The following DNAH5 variants were observed in gnomAD, a reference collection of about 807,000 sequenced individuals.
DNAH5 encodes the protein dynein axonemal heavy chain 5.
A neutral mutation model predicts 518.2 loss-of-function variants in DNAH5; 372 were observed. The ratio of observed to expected loss-of-function variants is 0.72; its 90% CI spans 0.66 to 0.78. The LOEUF (loss-of-function observed/expected upper bound fraction) is 0.78. Ranked by LOEUF, DNAH5 falls within the 30% of genes least tolerant of loss-of-function variation. DNAH5 has a pLI of 0.00. For missense variants in DNAH5, 5,523 were observed against 5,687.0 expected, an observed-to-expected ratio of 0.97 and a Z score of 0.93; for synonymous variants, 2,039 against 2,025.9, an observed-to-expected ratio of 1.01 and a Z score of -0.17.
In DNAH5 at chr5:13,771,020, TA is replaced by T. The variant is rs767111159; in HGVS notation, c.9374-41del. On this transcript the variant is annotated intron_variant, in intron 55 of 78. Coordinates refer to ENST00000265104, the MANE Select transcript of DNAH5 (RefSeq NM_001369.3). ...GATGACAGTGTGTGAAATATGTATG[TA>T]AGTTACCCTTTTAAAAGTTAACTGT... 4.0e-6 allele frequency: 6 copies of T among 1,486,402 alleles called. No homozygotes were observed. In the African/African-American group the frequency reaches 6.9e-5, roughly 17 times the overall value. 92.1% of individuals were successfully genotyped at this position (1,486,402 alleles called of 1,614,324 possible).
chr5:13,754,721 A>G (rs1436785640), intron 61 of DNAH5, among the ~76,000 whole-genome samples: 3 of 152,026 alleles, frequency 2.0e-5, no homozygotes, highest in Non-Finnish European at 2.9e-5. Flanking sequence ...TATTTTTAGT[A>G]GAGATGGGGT....
intron 22 of DNAH5, among the ~76,000 whole-genome samples, chr5:13,872,578 A>AT (rs751625815): frequency 2.8e-4 from 42 of 152,150 alleles, no homozygotes; most frequent in Non-Finnish European, 5.4e-4. Flanking sequence ...TGGCATATAC[A>AT]TTTTTTTAAA....
At chr5:13,853,970 C>T (rs1480228224) in intron 30 of DNAH5, among the ~76,000 whole-genome samples, 1 of 152,124 alleles carries the variant, frequency 6.6e-6, no homozygotes, top group African/African-American at 2.4e-5. Flanking sequence ...TCCAGGAGAA[C>T]TTCCCCAACC....
rs542422452 is a variant in DNAH5, at chr5:13,809,098, A to G, written c.7698T>C (p.Asn2566=). ...TPEYGSILVP[N]VDNVRTDFLI... The stretch of plus-strand genomic sequence containing the variant: ...GAAAGTCAGTCCTCACATTGTCAAC[A>G]TTTGGCACCAGAATAGAACCATACT... Residue 2566 remains asparagine (N), a synonymous_variant, in exon 46 of 79, where the codon AAT becomes AAC. Transcript: ENST00000265104. 1.4e-5 allele frequency: 22 copies of G among 1,614,090 alleles called. No individual in the cohort carries two copies. Among genetic ancestry groups the G allele is most frequent in the Non-Finnish European group, 1.7e-5 (20 of 1,180,046 alleles).
At chr5:13,740,085 A>G (rs1748217804) in intron 65 of DNAH5, among the ~76,000 whole-genome samples, 1 of 152,240 alleles carries the variant, frequency 6.6e-6, no homozygotes, top group South Asian at 2.1e-4. Context: ...TGCTCTGGCC[A>G]AAACCTTTGA....
At chr5:13,976,689 G>GTA (rs1216182959) in intron 1 of DNAH5, among the ~76,000 whole-genome samples, 13,367 of 137,412 alleles carry the variant, frequency 0.097, 738 homozygotes, top group Middle Eastern at 0.23. Context: ...GTGTGTGTGT[G>GTA]TATATATATA....
chr5:13,846,802 G>A (rs1045020308), intron 31 of DNAH5, among the ~76,000 whole-genome samples: 7 of 152,200 alleles, frequency 4.6e-5, no homozygotes, highest in Middle Eastern at 3.2e-3. Context: ...ACATGAGACA[G>A]CCTGGAGAGT....
chr5:13,748,457 A>C lies in DNAH5; in HGVS notation c.11211+2621T>G, dbSNP rs570901075. Among the ~76,000 whole-genome samples, 10 of 152,276 alleles carry C rather than the reference A, an allele frequency of 6.6e-5. No individual in the cohort carries two copies. In the South Asian group the frequency reaches 1.9e-3, roughly 28 times the overall value. The stretch of plus-strand genomic sequence containing the variant: ...TGATGGGGATGGCATTGAATCTATA[A>C]ATTACTTTGGGCAGTATGGCCATTT... On this transcript the variant is annotated intron_variant, in intron 65 of 78. Coordinates refer to ENST00000265104, the MANE Select transcript of DNAH5 (RefSeq NM_001369.3).
chr5:13,971,279 G>T (rs1425967720), intron 1 of DNAH5, among the ~76,000 whole-genome samples: 2 of 152,064 alleles, frequency 1.3e-5, no homozygotes, highest in East Asian at 3.9e-4. Flanking sequence ...TGGTAATTCA[G>T]TGATTTCTTC....
In DNAH5 at chr5:13,830,185, A is replaced by G; in HGVS notation, c.6090T>C (p.Cys2030=). Reference sequence around the variant, plus strand: ...GATCAATACGGTTAAATTCATCAAAACAACCCCAGGATCCAGACTGTGCCA... The same window carrying G: ...GATCAATACGGTTAAATTCATCAAAGCAACCCCAGGATCCAGACTGTGCCA... The part of the protein sequence containing the change: ...KGLAQSGSWG[C]FDEFNRIDLP... The change falls in exon 37 of 79, where the codon TGT becomes TGC. Residue 2030 remains cysteine, a synonymous_variant. Coordinates refer to ENST00000265104, the MANE Select transcript of DNAH5 (RefSeq NM_001369.3). The G allele has an allele frequency of 6.2e-7, 1 of 1,614,132 alleles. No individual in the cohort carries two copies. Among genetic ancestry groups the G allele is most frequent in the African/African-American group, 1.3e-5 (1 of 75,046 alleles).
chr5:13,737,206 C>A, intron 66 of DNAH5, 46 bp downstream of exon 66: 1 of 1,612,334 alleles, frequency 6.2e-7, no homozygotes, highest in Non-Finnish European at 8.5e-7. Flanking sequence ...TCATTCCTCT[C>A]TCATTTCATT....
In DNAH5 at chr5:13,900,347, C is replaced by A. The variant is rs766984347; in HGVS notation, c.2118G>T (p.Leu706Phe). Residue 706 changes from leucine to phenylalanine, a missense_variant, in exon 15 of 79, where the codon TTG becomes TTT. Physicochemically the swap from Leu to Phe is conservative, Grantham distance 22. This residue lies in a region of DNAH5 where 5,121 missense variants were observed against 5,223.3 expected (regional missense o/e 0.98). Transcript: ENST00000265104. The stretch of plus-strand genomic sequence containing the variant: ...ATATCTGAGGGTCAAAGTTTACAAA[C>A]AATTCCCCTGTGCCTGGAGCCTTCA... Reference protein sequence around the residue: ...LLVKAPGTGELFVNFDPQILI... With the variant: ...LLVKAPGTGEFFVNFDPQILI... 1 of 1,614,178 alleles carries A rather than the reference C, an allele frequency of 6.2e-7. No individual in the cohort carries two copies. Among genetic ancestry groups the A allele is most frequent in the South Asian group, 1.1e-5 (1 of 91,078 alleles).
chr5:13,783,113 T>G (rs1004096013), intron 52 of DNAH5, among the ~76,000 whole-genome samples: 1 of 152,110 alleles, frequency 6.6e-6, no homozygotes. Context: ...GGACTTAGAC[T>G]TGGATGACTA....
chr5:13,766,248 C>A, intron 58 of DNAH5, 69 bp from the exon 59 acceptor site: 1 of 1,511,288 alleles, frequency 6.6e-7, no homozygotes, highest in Non-Finnish European at 9.2e-7. Flanking sequence ...CTTGCATGTC[C>A]AAATGCTGCT....
Position 13,718,984 on chromosome 5 carries a change from C to T in DNAH5, c.12397G>A (p.Glu4133Lys), listed in dbSNP as rs376372961. The change falls in exon 72 of 79, where the codon GAG becomes AAG. Residue 4133 changes from glutamate to lysine, a missense_variant. Glu to Lys is a moderately conservative substitution (Grantham distance 56). Transcript: ENST00000265104. ...HDAFRLWMTTEAHKQFPITLL... is the reference protein window; with the variant it reads ...HDAFRLWMTTKAHKQFPITLL... ...GTAATGGGAAACTGCTTATGAGCCT[C>T]GGTGGTCATCCAGAGGCGGAACGCA... is the stretch of plus-strand genomic sequence containing the variant. 1.5e-5 allele frequency: 25 copies of T among 1,613,916 alleles called. No individual in the cohort carries two copies. The highest frequency in any genetic ancestry group is 1.1e-4 in the South Asian group (10 of 91,060).
chr5:13,878,733 G>A (rs777709948), intron 21 of DNAH5, among the ~76,000 whole-genome samples: 3 of 152,178 alleles, frequency 2.0e-5, no homozygotes, highest in African/African-American at 2.4e-5. Flanking sequence ...AAAACAACGA[G>A]GTGGATGTAC....
At chr5:14,011,000 TAAA>T (rs35413406) in intron 1 of DNAH5, among the ~76,000 whole-genome samples, 1 of 142,816 alleles carries the variant, frequency 7.0e-6, no homozygotes. Context: ...AATATTCACT[TAAA>T]AAAAAAAAAA....
intron 65 of DNAH5, among the ~76,000 whole-genome samples, 172 bp from the exon 66 acceptor site, chr5:13,737,667 G>A (rs995234714): frequency 1.3e-5 from 2 of 152,098 alleles, no homozygotes; most frequent in African/African-American, 4.8e-5. Flanking sequence ...GCTCACACCT[G>A]TAATCCCAGC....
At chr5:13,943,226 C>A (rs1157187739) in intron 1 of DNAH5, among the ~76,000 whole-genome samples, 2 of 152,196 alleles carry the variant, frequency 1.3e-5, no homozygotes, top group African/African-American at 4.8e-5. Context: ...ACTTATTCCA[C>A]AAGCATATAT....
Sources: allele counts gnomAD v4.1 joint callset (sites outside exome capture counted in the v4.1 genomes callset), GRCh38; gene constraint gnomAD v4.1.1; regional missense constraint gnomAD v4.1.1; transcripts MANE v1.5; gene names NCBI Gene and HGNC (gene_info 2026-07-23, HGNC 2026-07-21).